Variants in CACNA1D observed in about 807,000 individuals in gnomAD.
The protein encoded by CACNA1D is calcium voltage-gated channel subunit alpha1 D, also known as voltage-dependent L-type calcium channel subunit alpha-1D.
Under a neutral mutation model 257.1 loss-of-function variants are expected in CACNA1D, and 55 were observed. The ratio of observed to expected loss-of-function variants is 0.21; its 90% confidence interval spans 0.17 to 0.27. The LOEUF (loss-of-function observed/expected upper bound fraction) is 0.27, where lower values mean the gene tolerates loss of function less well. Ranked by LOEUF, CACNA1D falls within the 10% of genes least tolerant of loss-of-function variation. CACNA1D has a pLI of 1.00. For synonymous variants in CACNA1D, 980 were observed against 1,014.9 expected, an observed-to-expected ratio of 0.97 and a Z score of 0.65; for missense variants, 1,876 against 2,784.0, an observed-to-expected ratio of 0.67 and a Z score of 7.34.
At chr3:53,595,071 T>C (rs553144679) in intron 3 of CACNA1D, among the ~76,000 whole-genome samples, 6 of 152,368 alleles carry the variant, frequency 3.9e-5, no homozygotes, top group African/African-American at 1.4e-4. Flanking sequence ...TTTTCCATGT[T>C]GTCTATACAT....
chr3:53,803,953 T>G (rs1247720776), intron 44 of CACNA1D, among the ~76,000 whole-genome samples: 1 of 152,154 alleles, frequency 6.6e-6, no homozygotes, highest in Non-Finnish European at 1.5e-5. Flanking sequence ...GGACGGCGGC[T>G]TGGCCAGCCT....
chr3:53,534,619 T>G (rs2092057882), intron 3 of CACNA1D, among the ~76,000 whole-genome samples: 1 of 152,192 alleles, frequency 6.6e-6, no homozygotes, highest in African/African-American at 2.4e-5. Context: ...GCCCACTGGT[T>G]TCTGTGACCC....
intron 27 of CACNA1D, among the ~76,000 whole-genome samples, chr3:53,749,965 T>C (rs909402161): frequency 2.0e-5 from 3 of 152,206 alleles, no homozygotes; most frequent in Non-Finnish European, 4.4e-5. Context: ...CAATGGTTCG[T>C]CTTCCCCTGG....
chr3:53,713,500 GTA>G (rs1553643650), intron 9 of CACNA1D, among the ~76,000 whole-genome samples: 30,458 of 135,400 alleles, frequency 0.22, 3,563 homozygotes, highest in African/African-American at 0.29. Context: ...TGCTCTGTGT[GTA>G]TGTGTGTGTG....
intron 8 of CACNA1D, among the ~76,000 whole-genome samples, chr3:53,674,867 T>C (rs1315296059): frequency 6.6e-6 from 1 of 152,192 alleles, no homozygotes; most frequent in Non-Finnish European, 1.5e-5. Flanking sequence ...GTAGTGTTGA[T>C]GGATTTGATT....
intron 8 of CACNA1D, among the ~76,000 whole-genome samples, chr3:53,688,842 A>G (rs773160926): frequency 1.1e-4 from 16 of 152,186 alleles, no homozygotes; most frequent in Admixed American, 2.0e-4. Context: ...TGGGCCTCTG[A>G]GTCTTGGAGA....
intron 3 of CACNA1D, among the ~76,000 whole-genome samples, chr3:53,641,467 A>G (rs1276665718): frequency 6.6e-6 from 1 of 152,190 alleles, no homozygotes; most frequent in East Asian, 1.9e-4. Flanking sequence ...GCTCAGGATC[A>G]TGCCTGGTAT....
In CACNA1D at chr3:53,501,703, T is replaced by G. The variant is rs755197343; in HGVS notation, c.466T>G (p.Ser156Ala). The change falls in exon 3 of 48, where the codon TCA becomes GCA. Residue 156 changes from serine to alanine, a missense_variant. Physicochemically the swap from Ser to Ala is moderately conservative, Grantham distance 99 (BLOSUM62 1). This residue lies in a region of CACNA1D where 188 missense variants were observed against 390.4 expected (regional missense o/e 0.48). Coordinates refer to ENST00000350061, the MANE Select transcript of CACNA1D (RefSeq NM_001128840.3). ...YIPFPEDDSN[S>A]TNHNLEKVEY... The stretch of plus-strand genomic sequence containing the variant: ...CCCATTCCCTGAAGATGATTCTAAT[T>G]CAACAAATCATAACTTGGTAAGTGT... 1.3e-6 allele frequency: 2 copies of G among 1,582,768 alleles called. No individual in the cohort carries two copies. Among genetic ancestry groups the G allele is most frequent in the South Asian group, 1.1e-5 (1 of 90,438 alleles).
intron 3 of CACNA1D, among the ~76,000 whole-genome samples, chr3:53,606,638 G>C (rs1232883416): frequency 6.6e-6 from 1 of 152,228 alleles, no homozygotes; most frequent in Non-Finnish European, 1.5e-5. Context: ...ATTCCCACCA[G>C]TGCTTGAGAA....
At chr3:53,693,427 T>C (rs932258166) in intron 8 of CACNA1D, among the ~76,000 whole-genome samples, 2 of 151,854 alleles carry the variant, frequency 1.3e-5, no homozygotes, top group African/African-American at 4.8e-5. Flanking sequence ...TGATTAAAAA[T>C]TTTTTAAATT....
intron 14 of CACNA1D, among the ~76,000 whole-genome samples, chr3:53,725,901 A>G (rs897199923): frequency 9.9e-5 from 15 of 152,214 alleles, no homozygotes; most frequent in Non-Finnish European, 2.2e-4. Flanking sequence ...ATCTGATTCT[A>G]TTTCATCATG....
intron 30 of CACNA1D, 103 bp from the exon 31 acceptor site, chr3:53,769,870 T>G: frequency 2.1e-6 from 2 of 930,614 alleles, no homozygotes; most frequent in Non-Finnish European, 1.8e-6. Context: ...GTGTGGTGTC[T>G]AAAGATGGGA....
At chr3:53,734,158 G>A (rs947779254) in intron 19 of CACNA1D, among the ~76,000 whole-genome samples, 3 of 151,066 alleles carry the variant, frequency 2.0e-5, no homozygotes, top group Non-Finnish European at 4.4e-5. Flanking sequence ...GGTCCTCAGG[G>A]GGGTACGCCC....
chr3:53,762,222 G>A (rs552067721), intron 30 of CACNA1D, 141 bp downstream of exon 30: 1 of 718,144 alleles, frequency 1.4e-6, no homozygotes, highest in African/African-American at 1.7e-5. Context: ...TTCCTAATGA[G>A]AGCTGTAGGC....
At chr3:53,526,706 C>T (rs1466264168) in intron 3 of CACNA1D, among the ~76,000 whole-genome samples, 2 of 152,160 alleles carry the variant, frequency 1.3e-5, no homozygotes, top group African/African-American at 4.8e-5. Flanking sequence ...ACCAACTTTT[C>T]TCCCCCCGGT....
intron 47 of CACNA1D, among the ~76,000 whole-genome samples, chr3:53,810,758 CAA>C (rs71074934): frequency 0.027 from 1,826 of 68,064 alleles, 5 homozygotes; most frequent in African/African-American, 0.037. Flanking sequence ...ACTCTTGTCT[CAA>C]AAAAAAAAAA....
At chr3:53,674,379 C>T (rs1338425871) in intron 8 of CACNA1D, among the ~76,000 whole-genome samples, 1 of 152,118 alleles carries the variant, frequency 6.6e-6, no homozygotes, top group Non-Finnish European at 1.5e-5. Flanking sequence ...GAGAACTGTC[C>T]CTGTGATTCA....
intron 8 of CACNA1D, among the ~76,000 whole-genome samples, chr3:53,696,523 C>T (rs1030391553): frequency 2.0e-5 from 3 of 152,136 alleles, no homozygotes; most frequent in Non-Finnish European, 4.4e-5. Context: ...GCTGAGGGGG[C>T]CACCCAGGGT....
At chr3:53,523,617 A>G (rs1249591472) in intron 3 of CACNA1D, among the ~76,000 whole-genome samples, 1 of 152,226 alleles carries the variant, frequency 6.6e-6, no homozygotes, top group Non-Finnish European at 1.5e-5. Context: ...ACAAACAAGC[A>G]AAGCAACTTC....
Sources: gnomAD v4.1 joint callset for allele counts (sites outside exome capture counted in the v4.1 genomes callset) on GRCh38, gnomAD v4.1.1 for gene constraint, gnomAD v4.1.1 regional missense constraint, MANE v1.5 for transcripts, NCBI Gene and HGNC (gene_info 2026-07-23, HGNC 2026-07-21) for gene names.